The following FILIP1 variants were observed in gnomAD, a reference collection of about 807,000 sequenced individuals.
FILIP1 encodes the protein filamin A interacting protein 1.
Under a neutral mutation model 102.1 loss-of-function variants are expected in FILIP1, and 61 were observed. The ratio of observed to expected loss-of-function variants is 0.60; its 90% CI spans 0.49 to 0.74. The LOEUF (loss-of-function observed/expected upper bound fraction) is 0.74, where lower values mean the gene tolerates loss of function less well. FILIP1 is among the 30% of genes least tolerant of loss of function. FILIP1 has a pLI of 0.00. For missense variants in FILIP1, 1,314 were observed against 1,441.2 expected (o/e 0.91, Z 1.43); for synonymous variants, 491 against 526.9 (o/e 0.93, Z 0.93).
rs926565593 is a variant in FILIP1, at chr6:75,414,992, A to C, written c.-6-14T>G. On this transcript the variant is annotated splice_polypyrimidine_tract_variant and intron_variant, in intron 1 of 5. Coordinates refer to ENST00000237172, the MANE Select transcript of FILIP1 (RefSeq NM_015687.5). The stretch of plus-strand genomic sequence containing the variant: ...TCTCATTCCCACCTACAACACATAC[A>C]TAAAAAAAGATAAGATGTTCTTTAC... The C allele has an allele frequency of 1.3e-6, 2 of 1,595,706 alleles. No individual in the cohort carries two copies. The highest frequency in any genetic ancestry group is 1.4e-5 in the African/African-American group (1 of 73,952).
At chr6:75,395,480 T>C (rs1776430459) in intron 2 of FILIP1, among the ~76,000 whole-genome samples, 1 of 152,248 alleles carries the variant, frequency 6.6e-6, no homozygotes, top group Non-Finnish European at 1.5e-5. Context: ...GGTTTCACCA[T>C]GCAGCCAGGC....
At chr6:75,455,831 T>C (rs926719776) in intron 1 of FILIP1, among the ~76,000 whole-genome samples, 1 of 152,216 alleles carries the variant, frequency 6.6e-6, no homozygotes, top group Non-Finnish European at 1.5e-5. Context: ...CAAGATACTA[T>C]TAGGCTGCTG....
chr6:75,416,605 AG>A (rs1562570239), intron 1 of FILIP1, among the ~76,000 whole-genome samples: 1 of 150,870 alleles, frequency 6.6e-6, no homozygotes, highest in Non-Finnish European at 1.5e-5. Flanking sequence ...AAAAAAAAGA[AG>A]TGATGAATAA....
At chr6:75,466,593 C>T (rs1425923845) in intron 1 of FILIP1, among the ~76,000 whole-genome samples, 1 of 152,136 alleles carries the variant, frequency 6.6e-6, no homozygotes, top group Admixed American at 6.5e-5. Flanking sequence ...CTGTTAGACC[C>T]CTTGGCAATT....
intron 4 of FILIP1, among the ~76,000 whole-genome samples, chr6:75,330,300 T>C (rs1774030133): frequency 6.6e-6 from 1 of 152,182 alleles, no homozygotes; most frequent in South Asian, 2.1e-4. Flanking sequence ...TATAAAGAGA[T>C]AAATGGTGAA....
intron 3 of FILIP1, among the ~76,000 whole-genome samples, chr6:75,359,217 G>T (rs565444078): frequency 6.6e-6 from 1 of 151,624 alleles, no homozygotes; most frequent in South Asian, 2.1e-4. Context: ...TATTGGTCAG[G>T]CTGGTCTCGA....
chr6:75,295,833 A>C, exon 7 of FILIP1: 1 of 926,382 alleles, frequency 1.1e-6, no homozygotes, highest in Non-Finnish European at 1.4e-6. Flanking sequence ...GGAGGACCTT[A>C]GTCATGATTG....
At chr6:75,397,406 G>T (rs1776499266) in intron 2 of FILIP1, among the ~76,000 whole-genome samples, 1 of 151,168 alleles carries the variant, frequency 6.6e-6, no homozygotes, top group Admixed American at 6.6e-5. Context: ...GAAAAAAAAG[G>T]CATGCATAGT....
At position 75,313,569 on chromosome 6, in the gene FILIP1, A is replaced by G. The variant is rs754928211; in HGVS notation, c.2263T>C (p.Phe755Leu). Residue 755 changes from phenylalanine to leucine, a missense_variant, in exon 5 of 6, where the codon TTT becomes CTT. By Grantham distance (22) the Phe-to-Leu change is conservative. Transcript: ENST00000237172. This position sits in a 1 kb window ranked among gnomAD's most constrained non-coding sequence, Gnocchi z 4.2. The stretch of plus-strand genomic sequence containing the variant: ...TTGTTCTTATTTTCTTCTTCCATAA[A>G]TCTTTGTTGAAGTACAGAATAATCT... The part of the protein sequence containing the change: ...QVDYSVLQQR[F>L]MEEENKNKNM... 6.2e-7 allele frequency: 1 copy of G among 1,614,124 alleles called. No individual in the cohort carries two copies.
chr6:75,326,831 A>G (rs1773881469), intron 4 of FILIP1, among the ~76,000 whole-genome samples: 1 of 152,206 alleles, frequency 6.6e-6, no homozygotes, highest in South Asian at 2.1e-4. Context: ...TGTTTAGGTT[A>G]ACTTCATCTT....
intron 4 of FILIP1, among the ~76,000 whole-genome samples, chr6:75,349,594 G>C (rs1211667794): frequency 6.6e-6 from 1 of 152,228 alleles, no homozygotes; most frequent in Non-Finnish European, 1.5e-5. Flanking sequence ...AAGGGGAAGG[G>C]AGTGCAAAAC....
chr6:75,458,925 A>G (rs547148907), intron 1 of FILIP1: 6 of 152,332 alleles, frequency 3.9e-5, no homozygotes, highest in African/African-American at 1.4e-4. Flanking sequence ...AGAAGTTATT[A>G]AGTATTACAA....
intron 1 of FILIP1, among the ~76,000 whole-genome samples, chr6:75,469,791 G>A (rs1779277940): frequency 1.3e-5 from 2 of 151,970 alleles, no homozygotes; most frequent in African/African-American, 4.8e-5. Context: ...CAATATAACT[G>A]GCTAACTTAG....
chr6:75,407,659 A>G (rs1201260732), intron 2 of FILIP1, among the ~76,000 whole-genome samples: 1 of 152,184 alleles, frequency 6.6e-6, no homozygotes, highest in Non-Finnish European at 1.5e-5. Context: ...GGAAAATACC[A>G]ACGCCAAATG....
At chr6:75,426,748 G>A (rs1393212414) in intron 1 of FILIP1, among the ~76,000 whole-genome samples, 4 of 127,524 alleles carry the variant, frequency 3.1e-5, no homozygotes, top group East Asian at 2.0e-4. Context: ...CTTCAACAGA[G>A]GCCAAGCTGA....
intron 6 of FILIP1, among the ~76,000 whole-genome samples, chr6:75,300,814 T>G (rs1291428432): frequency 6.6e-6 from 1 of 152,222 alleles, no homozygotes; most frequent in Non-Finnish European, 1.5e-5. Context: ...ATTTGCTTCC[T>G]TCCAGCAGAT....
chr6:75,364,792 G>A (rs1775275295), intron 2 of FILIP1, among the ~76,000 whole-genome samples: 1 of 152,036 alleles, frequency 6.6e-6, no homozygotes, highest in Admixed American at 6.6e-5. Flanking sequence ...ACAAATCCTT[G>A]GCATCATCCA....
chr6:75,442,723 C>T (rs1045746503), intron 1 of FILIP1, among the ~76,000 whole-genome samples: 3 of 150,618 alleles, frequency 2.0e-5, no homozygotes, highest in African/African-American at 4.9e-5. Context: ...AGCCTTGGCT[C>T]GGCATCAGAG....
intron 1 of FILIP1, among the ~76,000 whole-genome samples, chr6:75,418,371 C>G (rs1475715251): frequency 2.6e-5 from 4 of 152,182 alleles, no homozygotes; most frequent in Admixed American, 2.6e-4. Context: ...TTCTGCAGAA[C>G]TTCTAAGATG....
Sources: allele counts gnomAD v4.1 joint callset (sites outside exome capture counted in the v4.1 genomes callset), GRCh38; gene constraint gnomAD v4.1.1; non-coding constraint Gnocchi (gnomAD v3.1); transcripts MANE v1.5; gene names NCBI Gene and HGNC (gene_info 2026-07-23, HGNC 2026-07-21).